Variants in TRABD2B observed in about 807,000 individuals in gnomAD.
TRABD2B encodes TraB domain containing 2B.
In TRABD2B, 14 loss-of-function variants were observed where a neutral mutation model predicts 40.1. The ratio of observed to expected loss-of-function variants is 0.35; its 90% CI spans 0.23 to 0.55. TRABD2B has a LOEUF of 0.55. TRABD2B is among the 20% of genes least tolerant of loss of function. The pLI is 0.90. For synonymous variants in TRABD2B, 263 were observed against 277.0 expected (o/e 0.95, Z 0.50); for missense variants, 541 against 648.6 (o/e 0.83, Z 1.80).
intron 2 of TRABD2B, among the ~76,000 whole-genome samples, chr1:47,989,676 G>A (rs925546638): frequency 1.3e-5 from 2 of 152,094 alleles, no homozygotes; most frequent in African/African-American, 2.4e-5. Context: ...AAGTCAAGGA[G>A]AAAATCAGTT....
intron 2 of TRABD2B, among the ~76,000 whole-genome samples, chr1:47,890,927 T>A (rs1212552366): frequency 6.6e-6 from 1 of 152,254 alleles, no homozygotes; most frequent in Non-Finnish European, 1.5e-5. Context: ...TTCCCATCCC[T>A]ATCTTGTTTG....
chr1:47,932,530 T>C (rs1301309485), intron 2 of TRABD2B, among the ~76,000 whole-genome samples: 3 of 152,116 alleles, frequency 2.0e-5, no homozygotes, highest in Admixed American at 6.5e-5. Context: ...GGAGATCCTA[T>C]AGCATGTGTG....
chr1:47,873,420 G>T (rs567744386), intron 2 of TRABD2B, among the ~76,000 whole-genome samples: 1 of 152,160 alleles, frequency 6.6e-6, no homozygotes, highest in Non-Finnish European at 1.5e-5. Context: ...TTATGGGGTG[G>T]ATATATCCAT....
At chr1:47,788,780 G>A (rs572750847) in intron 4 of TRABD2B, among the ~76,000 whole-genome samples, 5 of 152,290 alleles carry the variant, frequency 3.3e-5, no homozygotes, top group Admixed American at 6.5e-5. Context: ...TGCTAGGGAC[G>A]GAGTGTGTGA....
Position 47,996,820 on chromosome 1 carries a change from C to A in TRABD2B, c.-31G>T. ...CAGGGCCCGCGGGGCGCGGGGGACC[C>A]TCCTGGGCGGCGCCCCTCAGCGGGG... On this transcript the variant is annotated 5_prime_UTR_variant, in exon 1 of 7. In the 5' UTR this introduces an upstream ATG that the reference lacks. Coordinates refer to ENST00000606738, the MANE Select transcript of TRABD2B (RefSeq NM_001194986.2). This position sits in a 1 kb window ranked among gnomAD's most constrained non-coding sequence, Gnocchi z 4.6. 8.5e-7 allele frequency: 1 copy of A among 1,177,000 alleles called. No homozygotes were observed. The highest frequency in any genetic ancestry group is 3.8e-5 in the East Asian group (1 of 26,214). The allele number at this position is 1,177,000 out of a possible 1,614,324, so 72.9% of individuals were successfully genotyped here.
chr1:47,928,346 C>G (rs1343163961), intron 2 of TRABD2B, among the ~76,000 whole-genome samples: 1 of 152,192 alleles, frequency 6.6e-6, no homozygotes. Context: ...GTTTTGCCAC[C>G]TGTAAAATGG....
intron 4 of TRABD2B, among the ~76,000 whole-genome samples, chr1:47,790,290 T>C (rs1212991536): frequency 2.0e-5 from 3 of 152,076 alleles, no homozygotes; most frequent in South Asian, 2.1e-4. Flanking sequence ...AGACAGAAAA[T>C]GGGCTTTTCC....
At chr1:47,974,738 T>C (rs900212155) in intron 2 of TRABD2B, among the ~76,000 whole-genome samples, 10 of 152,170 alleles carry the variant, frequency 6.6e-5, no homozygotes, top group Admixed American at 1.3e-4. Context: ...TCCTTTCCAA[T>C]GTGTGCAGTA....
At chr1:47,917,535 A>C (rs570705059) in intron 2 of TRABD2B, among the ~76,000 whole-genome samples, 72 of 152,154 alleles carry the variant, frequency 4.7e-4, no homozygotes, top group African/African-American at 1.7e-3. Flanking sequence ...AGCCTGGGCA[A>C]TATAGTAAGG....
chr1:47,928,579 AAG>A (rs1331307009), intron 2 of TRABD2B, among the ~76,000 whole-genome samples: 3 of 152,228 alleles, frequency 2.0e-5, no homozygotes, highest in African/African-American at 7.2e-5. Flanking sequence ...CTGAGCTGAG[AAG>A]AAGGGAAAGA....
chr1:47,871,229 A>T (rs1644136092), intron 2 of TRABD2B, among the ~76,000 whole-genome samples: 1 of 152,118 alleles, frequency 6.6e-6, no homozygotes, highest in Non-Finnish European at 1.5e-5. Context: ...GAAGCTAGAG[A>T]GGTGGGCAGG....
chr1:47,897,557 T>G (rs1279187428), intron 2 of TRABD2B, among the ~76,000 whole-genome samples: 5 of 152,192 alleles, frequency 3.3e-5, no homozygotes, highest in African/African-American at 1.2e-4. Context: ...GTGAATTGCA[T>G]CTGAGGAAGA....
intron 2 of TRABD2B, among the ~76,000 whole-genome samples, chr1:47,986,280 G>A (rs1039920406): frequency 2.0e-5 from 3 of 152,194 alleles, no homozygotes; most frequent in Non-Finnish European, 2.9e-5. Context: ...TACTGAATAT[G>A]TCTCAGGTGG....
chr1:47,986,003 T>C (rs1286860584), intron 2 of TRABD2B, among the ~76,000 whole-genome samples: 1 of 152,116 alleles, frequency 6.6e-6, no homozygotes, highest in Non-Finnish European at 1.5e-5. Context: ...GGAGATATCA[T>C]ACAGCTCAGC....
chr1:47,766,072 G>A lies in TRABD2B; in HGVS notation c.1384C>T (p.Pro462Ser). ...TASPPPLPLQPTHSSGTAKPP... is the reference protein window; with the variant it reads ...TASPPPLPLQSTHSSGTAKPP... Reference sequence around the variant, plus strand: ...TTGGCGGTCCCCGAGCTGTGGGTGGGCTGCAGGGGCAGCGGGGGTGGTGAG... The same window carrying A: ...TTGGCGGTCCCCGAGCTGTGGGTGGACTGCAGGGGCAGCGGGGGTGGTGAG... The change falls in exon 7 of 7, where the codon CCC (proline) becomes TCC (serine). Residue 462 changes from proline (P) to serine (S), a missense_variant. Physicochemically the swap from Pro to Ser is moderately conservative, Grantham distance 74. Coordinates refer to ENST00000606738, the MANE Select transcript of TRABD2B (RefSeq NM_001194986.2). 1 of 699,918 alleles carries A rather than the reference G, an allele frequency of 1.4e-6. No homozygotes were observed. Among genetic ancestry groups the A allele is most frequent in the Non-Finnish European group, 2.6e-6 (1 of 383,470 alleles). 43.4% of individuals were successfully genotyped at this position (699,918 alleles called of 1,614,324 possible).
intron 2 of TRABD2B, among the ~76,000 whole-genome samples, chr1:47,962,053 G>C (rs1457408964): frequency 6.6e-6 from 1 of 152,150 alleles, no homozygotes; most frequent in African/African-American, 2.4e-5. Flanking sequence ...ATGAGTTCAT[G>C]TCCTTTGTAG....
At chr1:47,853,606 A>G (rs12566693) in intron 2 of TRABD2B, among the ~76,000 whole-genome samples, 45,146 of 152,104 alleles carry the variant, frequency 0.3, 6,842 homozygotes, top group East Asian at 0.46. Flanking sequence ...TGTGGAGACC[A>G]TGATGGTTAA....
intron 2 of TRABD2B, among the ~76,000 whole-genome samples, chr1:47,958,320 G>A (rs1473796708): frequency 6.9e-6 from 1 of 143,960 alleles, no homozygotes; most frequent in Non-Finnish European, 1.5e-5. Context: ...GAAACAACCA[G>A]CTAACATCAT....
intron 2 of TRABD2B, among the ~76,000 whole-genome samples, chr1:47,829,483 T>A (rs1235033176): frequency 6.6e-6 from 1 of 152,076 alleles, no homozygotes; most frequent in Non-Finnish European, 1.5e-5. Context: ...GCGTGCATAA[T>A]CCACATCCGT....
Sources: allele counts gnomAD v4.1 joint callset (sites outside exome capture counted in the v4.1 genomes callset), GRCh38; gene constraint gnomAD v4.1.1; non-coding constraint Gnocchi (gnomAD v3.1); transcripts MANE v1.5; gene names NCBI Gene and HGNC (gene_info 2026-07-23, HGNC 2026-07-21).